The following KRT7 variants were observed in gnomAD, a reference collection of about 807,000 sequenced individuals.
KRT7 encodes the protein keratin, type II cytoskeletal 7.
A neutral mutation model predicts 42.8 loss-of-function variants in KRT7; 50 were observed. The ratio of observed to expected loss-of-function variants is 1.17; its 90% confidence interval spans 0.93 to 1.48. The LOEUF is 1.48. Among genes scored for constraint, KRT7 ranks in the 40% most tolerant of loss-of-function variants. The pLI, the probability that KRT7 is intolerant of heterozygous loss-of-function variation, is 0.00. For synonymous variants in KRT7, 268 were observed against 266.3 expected (o/e 1.01, Z -0.06); for missense variants, 588 against 637.6 (o/e 0.92, Z 0.84).
At chr12:52,242,629 C>T (rs1466784373) in intron 5 of KRT7, among the ~76,000 whole-genome samples, 1 of 152,188 alleles carries the variant, frequency 6.6e-6, no homozygotes, top group African/African-American at 2.4e-5. Context: ...CACTGATTGG[C>T]TGTGTGATCC....
intron 7 of KRT7, 146 bp downstream of exon 7, chr12:52,245,778 T>C (rs1942159771): frequency 3.0e-6 from 3 of 985,780 alleles, no homozygotes; most frequent in Middle Eastern, 3.2e-4. Context: ...GAGCTGATGC[T>C]TGCCTCTTTG....
chr12:52,238,999 GC>G (rs1052200004), intron 4 of KRT7, among the ~76,000 whole-genome samples: 1 of 152,244 alleles, frequency 6.6e-6, no homozygotes, highest in Non-Finnish European at 1.5e-5. Context: ...GGCATGCCCA[GC>G]ACAGCCACAA....
At chr12:52,252,262 C>T (rs1942275898), downstream of KRT7, 1 of 1,613,102 alleles carries the variant, frequency 6.2e-7, no homozygotes, top group Non-Finnish European at 8.5e-7. Flanking sequence ...TGGTCCTCAC[C>T]TCTGCTCCTC....
intron 7 of KRT7, chr12:52,245,998 T>C (rs1264162878): frequency 8.2e-6 from 2 of 242,710 alleles, no homozygotes; most frequent in Non-Finnish European, 7.9e-6. Context: ...ATTGAGGGAA[T>C]AGGGCCAGAG....
intron 6 of KRT7, chr12:52,245,036 G>T: frequency 4.0e-6 from 1 of 251,332 alleles, no homozygotes; most frequent in South Asian, 6.8e-5. Flanking sequence ...AATCATAATA[G>T]CATTCATTAA....
rs1235830988 is a variant in KRT7, at chr12:52,235,340, G to A, written c.510G>A (p.Gln170=). The change falls in exon 2 of 9, where the codon CAG becomes CAA. Residue 170 remains glutamine (Q), a synonymous_variant. Coordinates refer to ENST00000331817, the MANE Select transcript of KRT7 (RefSeq NM_005556.4). ...GRLEAELRSM[Q]DVVEDFKNKY... Reference sequence around the variant, plus strand: ...TGGAGGCGGAGCTGCGGAGCATGCAGGATGTGGTGGAGGACTTCAAGAATA... The same window carrying A: ...TGGAGGCGGAGCTGCGGAGCATGCAAGATGTGGTGGAGGACTTCAAGAATA... 3.7e-6 allele frequency: 6 copies of A among 1,612,664 alleles called. No individual in the cohort carries two copies. The highest frequency in any genetic ancestry group is 5.1e-6 in the Non-Finnish European group (6 of 1,179,442).
Position 52,245,611 on chromosome 12 carries a change from T to A in KRT7, c.1184T>A (p.Leu395Gln), listed in dbSNP as rs1258626757. 1 of 1,613,608 alleles carries A rather than the reference T, an allele frequency of 6.2e-7. No homozygotes were observed. The highest frequency in any genetic ancestry group is 8.5e-7 in the Non-Finnish European group (1 of 1,180,040). The change falls in exon 7 of 9, where the codon CTG (leucine) becomes CAG (glutamine). Residue 395 changes from leucine to glutamine, a missense_variant. Leu to Gln is a moderately radical substitution (Grantham distance 113, BLOSUM62 -2). Coordinates refer to ENST00000331817, the MANE Select transcript of KRT7 (RefSeq NM_005556.4). ...LDIEIATYRK[L>Q]LEGEESRLAG... ...ATCGAGATCGCCACCTACCGCAAGC[T>A]GCTGGAGGGCGAGGAGAGCCGGTGA...
Position 52,233,541 on chromosome 12 carries a change from C to T in KRT7, c.245C>T (p.Pro82Leu), listed in dbSNP as rs200100406. 3 of 1,613,320 alleles carry T rather than the reference C, an allele frequency of 1.9e-6. No individual in the cohort carries two copies. The highest frequency in any genetic ancestry group is 1.1e-5 in the South Asian group (1 of 91,058). The change falls in exon 1 of 9, where the codon CCC becomes CTC. Residue 82 changes from proline (P) to leucine (L), a missense_variant. Transcript: ENST00000331817. ...LLAPLRLDADPSLQRVRQEES... is the reference protein window; with the variant it reads ...LLAPLRLDADLSLQRVRQEES... ...GCCCCGCTGCGGCTGGACGCCGACC[C>T]CTCCCTCCAGCGGGTGCGCCAGGAG...
intron 6 of KRT7, chr12:52,245,163 G>A (rs1223506779): frequency 1.8e-6 from 1 of 562,340 alleles, no homozygotes; most frequent in African/African-American, 1.9e-5. Context: ...TTAGAAAAGA[G>A]GGGACTTTGG....
chr12:52,240,251 G>GTA (rs1480470494), intron 4 of KRT7, among the ~76,000 whole-genome samples: 2 of 152,290 alleles, frequency 1.3e-5, no homozygotes, highest in Non-Finnish European at 2.9e-5. Context: ...ACACCTGTGT[G>GTA]TATATATATA....
rs373421416 is a variant in KRT7, at chr12:52,248,740, C to T, written c.1390C>T (p.Arg464Cys). Residue 464 changes from arginine (R) to cysteine (C), a missense_variant, in exon 9 of 9, where the codon CGC (arginine) becomes TGC (cysteine). Arg to Cys is a radical substitution (Grantham distance 180). Transcript: ENST00000331817. ...AYSIRTASAS[R>C]RSARD ...TTCCATCCGGACCGCATCCGCCAGT[C>T]GCAGGAGTGCCCGCGACTGAGCCGC... 86 of 1,584,928 alleles carry T rather than the reference C, an allele frequency of 5.4e-5. No homozygotes were observed. The highest frequency in any genetic ancestry group is 9.5e-5 in the African/African-American group (7 of 73,964).
At chr12:52,245,290 T>TG in intron 6 of KRT7, 122 bp from the exon 7 acceptor site, 2 of 869,538 alleles carry the variant, frequency 2.3e-6, no homozygotes, top group Non-Finnish European at 3.6e-6. Context: ...CTCTGGTACT[T>TG]GGGGGAGTAG....
At chr12:52,245,336 G>T in intron 6 of KRT7, 76 bp from the exon 7 acceptor site, 1 of 1,475,062 alleles carries the variant, frequency 6.8e-7, no homozygotes, top group Non-Finnish European at 9.3e-7. Flanking sequence ...CAAGTTGCCC[G>T]GGTGCTCACT....
At chr12:52,234,708 C>T (rs1388621677) in intron 1 of KRT7, among the ~76,000 whole-genome samples, 1 of 152,100 alleles carries the variant, frequency 6.6e-6, no homozygotes, top group Non-Finnish European at 1.5e-5. Flanking sequence ...GGTCATTTTA[C>T]CATGGATTGA....
intron 4 of KRT7, among the ~76,000 whole-genome samples, chr12:52,239,118 G>C (rs571759126): frequency 6.6e-6 from 1 of 152,304 alleles, no homozygotes; most frequent in South Asian, 2.1e-4. Context: ...TTGGGTTGGG[G>C]CTTTAGGTGT....
At chr12:52,253,084 G>C, downstream of KRT7, 1 of 853,780 alleles carries the variant, frequency 1.2e-6, no homozygotes, top group Non-Finnish European at 2.0e-6. Flanking sequence ...CCATGGAGGA[G>C]GCTGTCTGTC....
chr12:52,233,344 C>A lies in KRT7; in HGVS notation c.48C>A (p.Ala16=). 1 of 1,572,098 alleles carries A rather than the reference C, an allele frequency of 6.4e-7. No homozygotes were observed. Among genetic ancestry groups the A allele is most frequent in the Non-Finnish European group, 8.6e-7 (1 of 1,164,410 alleles). ...CGGTATTCACCTCGCGCTCAGCCGC[C>A]TTCTCGGGCCGCGGCGCCCAGGTGC... The part of the protein sequence containing the change: ...SSPVFTSRSA[A]FSGRGAQVRL... Residue 16 remains alanine, a synonymous_variant, in exon 1 of 9, where the codon GCC becomes GCA. Transcript: ENST00000331817.
chr12:52,254,305 G>C (rs748813728), downstream of KRT7: 2 of 986,110 alleles, frequency 2.0e-6, no homozygotes, highest in Non-Finnish European at 3.1e-6. Context: ...CGATCTCCTG[G>C]GTCAGGGCCT....
chr12:52,255,246 C>T (rs1942321061), downstream of KRT7: 2 of 433,086 alleles, frequency 4.6e-6, no homozygotes, highest in Admixed American at 4.9e-5. Flanking sequence ...CTACAGAGAG[C>T]CTGATGTTAG....
Sources: gnomAD v4.1 joint callset for allele counts (sites outside exome capture counted in the v4.1 genomes callset) on GRCh38, gnomAD v4.1.1 for gene constraint, MANE v1.5 for transcripts, NCBI Gene and HGNC (gene_info 2026-07-23, HGNC 2026-07-21) for gene names.